The following HECW1 variants were observed in gnomAD, a reference collection of about 807,000 sequenced individuals.
HECW1 encodes HECT, C2 and WW domain containing E3 ubiquitin protein ligase 1, also known as E3 ubiquitin-protein ligase HECW1.
In HECW1, 61 loss-of-function variants were observed where a neutral mutation model predicts 182.3. The ratio of observed to expected loss-of-function variants is 0.33; its 90% confidence interval spans 0.27 to 0.41. The LOEUF is 0.41. HECW1 is among the 10% of genes least tolerant of loss of function. The pLI is 1.00. For missense variants in HECW1, 1,739 were observed against 2,108.9 expected (o/e 0.82, Z 3.44); for synonymous variants, 859 against 832.6 (o/e 1.03, Z -0.55).
rs1303274874 is a variant in HECW1, at chr7:43,374,799, A to AAAAAAAAAAAC, written c.555+13820_555+13821insAAAAAAAAACA. On this transcript the variant is annotated intron_variant, in intron 6 of 29. Coordinates refer to ENST00000395891, the MANE Select transcript of HECW1 (RefSeq NM_015052.5). ...AAAAAAAAAAAAAAAAAAAAAAAAAAATAGAGAAATATAATAACCAGTGAA... is the reference window on the plus strand; with the variant it reads ...AAAAAAAAAAAAAAAAAAAAAAAAAAAAAAAAAAAACATAGAGAAATATAATAACCAGTGAA... 8.7e-4 allele frequency among the ~76,000 whole-genome samples: 47 copies of AAAAAAAAAAAC among 54,066 alleles called. 12 individuals are homozygous for AAAAAAAAAAAC. Among genetic ancestry groups the AAAAAAAAAAAC allele is most frequent in the African/African-American group, 7.0e-3 (41 of 5,832 alleles). 35.5% of individuals were successfully genotyped at this position (54,066 alleles called of 152,430 possible). A position where few individuals can be genotyped will look rare whatever the true frequency, so the allele number is the denominator to read the frequency against.
chr7:43,235,617 C>T (rs1193595261), intron 2 of HECW1, among the ~76,000 whole-genome samples: 1 of 152,172 alleles, frequency 6.6e-6, no homozygotes, highest in Non-Finnish European at 1.5e-5. Context: ...CATGGTGCTC[C>T]TGGATGGGAT....
intron 6 of HECW1, among the ~76,000 whole-genome samples, chr7:43,367,482 T>C (rs898232444): frequency 6.6e-6 from 1 of 152,344 alleles, no homozygotes; most frequent in Non-Finnish European, 1.5e-5. Context: ...TTTTATTTAT[T>C]CCCTTCATAA....
At chr7:43,284,323 T>C (rs1297260219) in intron 3 of HECW1, among the ~76,000 whole-genome samples, 5 of 152,106 alleles carry the variant, frequency 3.3e-5, no homozygotes, top group Non-Finnish European at 7.4e-5. Flanking sequence ...AAGTAACATA[T>C]GCATTATCTC....
In HECW1 at chr7:43,554,708, G is replaced by A. The variant is rs370997480; in HGVS notation, c.4627G>A (p.Glu1543Lys). The change falls in exon 29 of 30, where the codon GAA (glutamate) becomes AAA (lysine). Residue 1543 changes from glutamate to lysine, a missense_variant. By Grantham distance (56) the Glu-to-Lys change is moderately conservative. Around this residue, in one of 5 missense-constraint regions of HECW1, gnomAD observed 420 missense variants for 595.7 expected, o/e 0.71. Coordinates refer to ENST00000395891, the MANE Select transcript of HECW1 (RefSeq NM_015052.5). Reference protein sequence around the residue: ...FVTGTSSVPYEGFAALRGSNG... With the variant: ...FVTGTSSVPYKGFAALRGSNG... The stretch of plus-strand genomic sequence containing the variant: ...CACGGGAACATCCAGCGTGCCCTAC[G>A]AAGGCTTCGCAGCCCTCCGTGGGAG... 2 of 1,614,152 alleles carry A rather than the reference G, an allele frequency of 1.2e-6. No homozygotes were observed. The highest frequency in any genetic ancestry group is 1.7e-6 in the Non-Finnish European group (2 of 1,180,012).
At chr7:43,560,379 A>G (rs1353935655) in intron 29 of HECW1, among the ~76,000 whole-genome samples, 1 of 152,214 alleles carries the variant, frequency 6.6e-6, no homozygotes, top group African/African-American at 2.4e-5. Flanking sequence ...GTTTCTTCCC[A>G]GTTATGTCTT....
intron 6 of HECW1, among the ~76,000 whole-genome samples, chr7:43,380,233 T>G (rs2074490742): frequency 6.6e-6 from 1 of 152,084 alleles, no homozygotes; most frequent in African/African-American, 2.4e-5. Context: ...TTTTAAAAAT[T>G]TTTAAATTTT....
chr7:43,194,119 A>G (rs1318946818), intron 2 of HECW1, among the ~76,000 whole-genome samples: 4 of 151,998 alleles, frequency 2.6e-5, no homozygotes, highest in African/African-American at 9.7e-5. Context: ...CTGAACTCCA[A>G]AGGGAGGAGG....
chr7:43,447,168 CT>C (rs34563804), intron 11 of HECW1, among the ~76,000 whole-genome samples: 1,677 of 146,062 alleles, frequency 0.011, 27 homozygotes, highest in African/African-American at 0.036. Flanking sequence ...CACTAAAAAG[CT>C]TTTTTTTTTT....
chr7:43,306,179 A>T (rs1807538314), intron 3 of HECW1, among the ~76,000 whole-genome samples: 3 of 152,174 alleles, frequency 2.0e-5, no homozygotes, highest in Non-Finnish European at 4.4e-5. Flanking sequence ...TTACAGGCAT[A>T]AGCCACCATG....
At chr7:43,321,698 G>C (rs1461565783) in intron 5 of HECW1, among the ~76,000 whole-genome samples, 1 of 152,190 alleles carries the variant, frequency 6.6e-6, no homozygotes, top group Non-Finnish European at 1.5e-5. Flanking sequence ...TGCATGGCTA[G>C]GAATCTGAAG....
intron 3 of HECW1, among the ~76,000 whole-genome samples, chr7:43,257,931 T>A (rs1413462209): frequency 6.6e-6 from 1 of 152,222 alleles, no homozygotes; most frequent in Non-Finnish European, 1.5e-5. Flanking sequence ...TTTCATTAAG[T>A]GCTCATTAAT....
intron 13 of HECW1, among the ~76,000 whole-genome samples, chr7:43,459,652 C>A: frequency 6.6e-6 from 1 of 152,076 alleles, no homozygotes. Context: ...ATTCTCCTAC[C>A]TCAGCCTCCC....
chr7:43,336,148 C>CTT (rs1562853782), intron 5 of HECW1, among the ~76,000 whole-genome samples: 23 of 48,684 alleles, frequency 4.7e-4, no homozygotes, highest in South Asian at 8.2e-4. Flanking sequence ...CTCTCTTTCT[C>CTT]TCTCTCTCTC....
At chr7:43,120,342 G>A (rs914162436) in intron 2 of HECW1, among the ~76,000 whole-genome samples, 20 of 152,048 alleles carry the variant, frequency 1.3e-4, no homozygotes, top group African/African-American at 4.6e-4. Flanking sequence ...CACACAATGT[G>A]CTCTCTTCCA....
intron 2 of HECW1, among the ~76,000 whole-genome samples, chr7:43,197,118 C>T (rs1352154698): frequency 2.0e-5 from 3 of 152,020 alleles, no homozygotes; most frequent in East Asian, 3.9e-4. Context: ...TCCCAGTGCA[C>T]CTTTCTCTAA....
At chr7:43,478,673 A>T (rs1463462673) in intron 16 of HECW1, among the ~76,000 whole-genome samples, 1 of 152,152 alleles carries the variant, frequency 6.6e-6, no homozygotes, top group African/African-American at 2.4e-5. Context: ...AAAAGAAAAA[A>T]CTAAGGAGGA....
chr7:43,314,826 G>A (rs915893771), intron 4 of HECW1, among the ~76,000 whole-genome samples: 13 of 152,162 alleles, frequency 8.5e-5, no homozygotes, highest in African/African-American at 1.9e-4. Context: ...CACATTTTCC[G>A]TGCTTTGCCA....
intron 26 of HECW1, 116 bp downstream of exon 26, chr7:43,542,114 T>C (rs764305657): frequency 1.1e-6 from 1 of 884,630 alleles, no homozygotes. Context: ...CTTCAGTATA[T>C]CCACATTGTT....
rs982288406 is a variant in HECW1, at chr7:43,243,819, C to T, written c.-31-56C>T. ...AATGTTGTTTGTGTGGGTAATGTTG[C>T]TGATTTTGTTTGCTTGGGATACACG... On this transcript the variant is annotated intron_variant, in intron 2 of 29. Coordinates refer to ENST00000395891, the MANE Select transcript of HECW1 (RefSeq NM_015052.5). The surrounding 1 kb of genome is among the most constrained non-coding windows in gnomAD (Gnocchi z 4.0). 1.1e-5 allele frequency: 15 copies of T among 1,317,658 alleles called. No individual in the cohort carries two copies. Among genetic ancestry groups the T allele is most frequent in the Non-Finnish European group, 1.5e-5 (14 of 909,876 alleles). 81.6% of individuals were successfully genotyped at this position (1,317,658 alleles called of 1,614,324 possible).
Sources: allele counts gnomAD v4.1 joint callset (sites outside exome capture counted in the v4.1 genomes callset), GRCh38; gene constraint gnomAD v4.1.1; regional missense constraint gnomAD v4.1.1; non-coding constraint Gnocchi (gnomAD v3.1); transcripts MANE v1.5; gene names NCBI Gene and HGNC (gene_info 2026-07-23, HGNC 2026-07-21).